The following CSGALNACT1 variants were observed in gnomAD, a reference collection of about 807,000 sequenced individuals.
CSGALNACT1 encodes chondroitin sulfate N-acetylgalactosaminyltransferase 1, also known as beta4GalNAcT-1.
CSGALNACT1 carries 52 observed loss-of-function variants against 51.0 expected under a neutral mutation model. The observed-to-expected ratio is 1.02, with a 90% confidence interval of 0.82 to 1.29. The LOEUF (loss-of-function observed/expected upper bound fraction) is 1.29, where lower values mean the gene tolerates loss of function less well. Ranked by LOEUF, CSGALNACT1 falls within the 50% of genes most tolerant of loss-of-function variation. CSGALNACT1 has a pLI of 0.00. For synonymous variants in CSGALNACT1, 341 were observed against 254.4 expected, an observed-to-expected ratio of 1.34 and a Z score of -3.24; for missense variants, 935 against 679.2, an observed-to-expected ratio of 1.38 and a Z score of -4.19.
At chr8:19,420,587 T>A in intron 6 of CSGALNACT1, 69 bp from the exon 6 acceptor site, 1 of 1,486,870 alleles carries the variant, frequency 6.7e-7, no homozygotes, top group Non-Finnish European at 9.4e-7. Context: ...AGAAAATATG[T>A]AATCAGGGCC....
At chr8:19,660,221 G>C (rs924320299) in intron 1 of CSGALNACT1, among the ~76,000 whole-genome samples, 1 of 152,182 alleles carries the variant, frequency 6.6e-6, no homozygotes, top group Non-Finnish European at 1.5e-5. Context: ...TGGGATCAGA[G>C]AAAATTCAAT....
At chr8:19,604,645 T>C (rs567328030), upstream of CSGALNACT1, among the ~76,000 whole-genome samples, 15 of 151,250 alleles carry the variant, frequency 9.9e-5, no homozygotes, top group East Asian at 2.7e-3. Flanking sequence ...CGGTGGCTCA[T>C]GCGTGTAATC....
chr8:19,590,100 C>A (rs1482365395), intron 3 of CSGALNACT1, among the ~76,000 whole-genome samples: 1 of 152,172 alleles, frequency 6.6e-6, no homozygotes, highest in Admixed American at 6.6e-5. Flanking sequence ...CTGCCTCCTG[C>A]CCAAGTTTGG....
chr8:19,746,992 A>G (rs2064711995), intron 1 of CSGALNACT1, among the ~76,000 whole-genome samples: 1 of 152,160 alleles, frequency 6.6e-6, no homozygotes, highest in Non-Finnish European at 1.5e-5. Flanking sequence ...TGCCTCCCAC[A>G]TGCCTTCACT....
intron 3 of CSGALNACT1, among the ~76,000 whole-genome samples, chr8:19,539,055 A>G (rs149772858): frequency 3.1e-4 from 47 of 152,276 alleles, no homozygotes; most frequent in African/African-American, 1.1e-3. Flanking sequence ...ACATTTTGTT[A>G]TATTTTCTTT....
chr8:19,586,899 A>T lies in CSGALNACT1; in HGVS notation c.-297+4261T>A, dbSNP rs116858566. Among the ~76,000 whole-genome samples, 856 of 152,318 alleles carry T rather than the reference A, an allele frequency of 5.6e-3. 10 individuals carry two copies. Among genetic ancestry groups the T allele is most frequent in the Non-Finnish European group, 9.4e-3 (642 of 68,028 alleles). On this transcript the variant is annotated intron_variant, in intron 3 of 9. Transcript: ENST00000454498. ...CATTACATAGTATTTTCCCAAACTT[A>T]TTTGATCACGAAATTCTTCTTTGAA... is the stretch of plus-strand genomic sequence containing the variant.
intron 1 of CSGALNACT1, among the ~76,000 whole-genome samples, chr8:19,627,566 T>C (rs920972115): frequency 3.3e-5 from 5 of 152,106 alleles, no homozygotes; most frequent in Admixed American, 2.6e-4. Context: ...TTCACACCTG[T>C]AATCCCAGAA....
intron 1 of CSGALNACT1, among the ~76,000 whole-genome samples, chr8:19,676,874 T>C (rs961777923): frequency 2.0e-5 from 3 of 152,138 alleles, no homozygotes; most frequent in African/African-American, 7.2e-5. Context: ...GAGTGAACCA[T>C]CATGTCAAAC....
intron 8 of CSGALNACT1, among the ~76,000 whole-genome samples, chr8:19,410,048 C>T (rs1479530272): frequency 1.3e-5 from 2 of 152,126 alleles, no homozygotes; most frequent in South Asian, 2.1e-4. Context: ...AACTCTGTAA[C>T]ATATGAAACT....
intron 5 of CSGALNACT1, among the ~76,000 whole-genome samples, chr8:19,446,231 C>T (rs1259049743): frequency 4.6e-5 from 7 of 152,108 alleles, no homozygotes; most frequent in East Asian, 1.9e-4. Context: ...AAATGGTATT[C>T]GTTACGTATT....
intron 6 of CSGALNACT1, among the ~76,000 whole-genome samples, chr8:19,434,119 G>A (rs2060030244): frequency 6.6e-6 from 1 of 152,138 alleles, no homozygotes; most frequent in African/African-American, 2.4e-5. Flanking sequence ...AATTTTTAGA[G>A]TTCTGAGAAA....
intron 6 of CSGALNACT1, among the ~76,000 whole-genome samples, chr8:19,421,224 A>C (rs1485246115): frequency 6.6e-6 from 1 of 152,156 alleles, no homozygotes; most frequent in Non-Finnish European, 1.5e-5. Flanking sequence ...TATTAGTGAG[A>C]TAAACAGTGC....
chr8:19,418,822 C>T (rs374352429), intron 7 of CSGALNACT1, 72 bp from the exon 7 acceptor site: 2 of 1,023,438 alleles, frequency 2.0e-6, no homozygotes, highest in Non-Finnish European at 3.1e-6. Context: ...TGACATTTGG[C>T]CCTCTGAAAC....
At position 19,439,829 on chromosome 8, in the gene CSGALNACT1, C is replaced by T; in HGVS notation, c.953+1G>A. 1.2e-6 allele frequency: 2 copies of T among 1,611,758 alleles called. No individual in the cohort carries two copies. The highest frequency in any genetic ancestry group is 1.7e-6 in the Non-Finnish European group (2 of 1,177,882). On this transcript the variant is annotated splice_donor_variant, in intron 6 of 9. Coordinates refer to ENST00000454498, the Ensembl canonical transcript of CSGALNACT1. LOFTEE classifies it high-confidence loss of function. ...TTATGACAGCTCCGTATTGTACTCA[C>T]TTGGAAGTGTTTTCAAGTATTCCTT... is the stretch of plus-strand genomic sequence containing the variant.
chr8:19,609,073 C>T (rs922444081), intron 1 of CSGALNACT1, among the ~76,000 whole-genome samples: 23 of 151,702 alleles, frequency 1.5e-4, no homozygotes, highest in African/African-American at 2.4e-4. Context: ...AAAAGACTAA[C>T]GTTAACAGAA....
intron 6 of CSGALNACT1, among the ~76,000 whole-genome samples, chr8:19,431,850 A>G (rs1232819362): frequency 5.9e-5 from 9 of 151,700 alleles, no homozygotes; most frequent in African/African-American, 2.2e-4. Flanking sequence ...TTTGCTTGTT[A>G]TAAGTCTAGT....
intron 2 of CSGALNACT1, among the ~76,000 whole-genome samples, chr8:19,599,466 G>GAAAGAA (rs1288840890): frequency 1.5e-5 from 1 of 66,578 alleles, no homozygotes; most frequent in East Asian, 3.8e-4. Flanking sequence ...AAGAAAGAAA[G>GAAAGAA]AAAGAAAAAG....
intron 1 of CSGALNACT1, among the ~76,000 whole-genome samples, chr8:19,647,526 AAG>A (rs2057388924): frequency 6.6e-6 from 1 of 152,196 alleles, no homozygotes; most frequent in South Asian, 2.1e-4. Flanking sequence ...TGAATACTCT[AAG>A]AGAGCCCAGT....
intron 1 of CSGALNACT1, among the ~76,000 whole-genome samples, chr8:19,669,104 G>A (rs1250652004): frequency 6.6e-6 from 1 of 152,104 alleles, no homozygotes; most frequent in East Asian, 1.9e-4. Flanking sequence ...CTAGACATGT[G>A]GATTTCATTC....
Sources: gnomAD v4.1 joint callset for allele counts (sites outside exome capture counted in the v4.1 genomes callset) on GRCh38, gnomAD v4.1.1 for gene constraint, MANE v1.5 for transcripts, NCBI Gene and HGNC (gene_info 2026-07-23, HGNC 2026-07-21) for gene names.